IQCK: variants seen among roughly 807,000 people sequenced by gnomAD.
IQCK encodes the protein IQ domain-containing protein K.
Under a neutral mutation model 28.1 loss-of-function variants are expected in IQCK, and 29 were observed. The ratio of observed to expected loss-of-function variants is 1.03; its 90% CI spans 0.77 to 1.41. The LOEUF (loss-of-function observed/expected upper bound fraction) is 1.41, where lower values mean the gene tolerates loss of function less well. IQCK is among the 40% of genes most tolerant of loss of function. IQCK has a pLI of 0.00. For synonymous variants in IQCK, 113 were observed against 115.1 expected, an observed-to-expected ratio of 0.98 and a Z score of 0.12; for missense variants, 359 against 314.7, an observed-to-expected ratio of 1.14 and a Z score of -1.07.
intron 3 of IQCK, chr16:19,734,122 A>G (rs1336385450): frequency 4.0e-6 from 1 of 253,142 alleles, no homozygotes; most frequent in Non-Finnish European, 7.5e-6. Flanking sequence ...TGCCTGTAAT[A>G]TCAGCACTTT....
intron 7 of IQCK, among the ~76,000 whole-genome samples, chr16:19,804,098 C>G (rs1362768207): frequency 1.3e-5 from 2 of 152,128 alleles, no homozygotes; most frequent in Non-Finnish European, 2.9e-5. Flanking sequence ...CGCCTGTAAT[C>G]CCAGCACTTT....
chr16:19,744,566 G>A (rs1410795801), intron 4 of IQCK, among the ~76,000 whole-genome samples: 1 of 152,232 alleles, frequency 6.6e-6, no homozygotes, highest in Non-Finnish European at 1.5e-5. Flanking sequence ...TGATTTCCAT[G>A]AATTATCTCA....
intron 9 of IQCK, among the ~76,000 whole-genome samples, chr16:19,834,777 G>C (rs190447731): frequency 6.6e-6 from 1 of 152,284 alleles, no homozygotes; most frequent in African/African-American, 2.4e-5. Flanking sequence ...AGAAAGGTTT[G>C]GCCACCAGAG....
intron 9 of IQCK, among the ~76,000 whole-genome samples, chr16:19,851,746 G>A (rs564122453): frequency 1.2e-4 from 18 of 152,276 alleles, no homozygotes; most frequent in African/African-American, 3.6e-4. Flanking sequence ...TAGGGGTGCC[G>A]AGGCATCTGT....
exon 10 of IQCK, chr16:19,857,795 A>T (rs1231104990): frequency 1.9e-5 from 3 of 154,772 alleles, no homozygotes; most frequent in Non-Finnish European, 4.2e-5. Context: ...CAACAACCAG[A>T]TCTTCAACTC....
Position 19,764,195 on chromosome 16 carries a change from A to G in IQCK, c.605+83A>G, listed in dbSNP as rs2055194686. On this transcript the variant is annotated intron_variant, in intron 6 of 7. Transcript: ENST00000564186. ...TACTTTTCTTCCATCTAAGAGAACA[A>G]ACTGATGTGATCCATCCAGGACTCT... 16 of 1,141,866 alleles carry G rather than the reference A, an allele frequency of 1.4e-5. No individual in the cohort carries two copies. In the South Asian group the frequency reaches 2.0e-4, roughly 14 times the overall value. The allele number at this position is 1,141,866 out of a possible 1,614,324, so 70.7% of individuals were successfully genotyped here.
intron 7 of IQCK, among the ~76,000 whole-genome samples, chr16:19,792,479 C>T (rs2055627265): frequency 9.0e-6 from 1 of 111,690 alleles, no homozygotes; most frequent in Non-Finnish European, 1.6e-5. Flanking sequence ...AGGAAATTAG[C>T]TAAAAGGAAA....
chr16:19,723,960 CAAA>C (rs573020918), intron 1 of IQCK, among the ~76,000 whole-genome samples: 4 of 104,356 alleles, frequency 3.8e-5, no homozygotes, highest in Admixed American at 1.0e-4. Context: ...ACTCTTGTTT[CAAA>C]AAAAAAAAAA....
intron 1 of IQCK, among the ~76,000 whole-genome samples, chr16:19,726,065 G>A (rs1417404875): frequency 1.3e-5 from 2 of 151,910 alleles, no homozygotes; most frequent in African/African-American, 2.4e-5. Flanking sequence ...ACAGGCGCCC[G>A]CCACCACTCC....
At chr16:19,830,713 C>A (rs1467756281), downstream of IQCK, among the ~76,000 whole-genome samples, 1 of 152,148 alleles carries the variant, frequency 6.6e-6, no homozygotes, top group Non-Finnish European at 1.5e-5. Flanking sequence ...CCTTTGGAAT[C>A]CTAACTACCA....
intron 7 of IQCK, among the ~76,000 whole-genome samples, chr16:19,808,135 C>T (rs751253899): frequency 1.3e-5 from 2 of 152,106 alleles, no homozygotes; most frequent in Non-Finnish European, 2.9e-5. Flanking sequence ...CAGGGCCACC[C>T]GGCAGGCCAA....
At chr16:19,780,161 C>T (rs540412295) in intron 6 of IQCK, among the ~76,000 whole-genome samples, 7 of 152,126 alleles carry the variant, frequency 4.6e-5, no homozygotes, top group South Asian at 2.1e-4. Flanking sequence ...CCTGCCTCAG[C>T]GTCCCAAGTA....
chr16:19,761,437 G>C (rs1438630282), intron 4 of IQCK: 1 of 455,632 alleles, frequency 2.2e-6, no homozygotes, highest in East Asian at 7.0e-5. Context: ...AGCAGGCTAG[G>C]GAGGGTGGAT....
chr16:19,757,624 C>T (rs1481038491), intron 4 of IQCK, among the ~76,000 whole-genome samples: 5 of 152,162 alleles, frequency 3.3e-5, no homozygotes, highest in African/African-American at 4.8e-5. Context: ...GAGTGGAGAT[C>T]GTGCCACTGC....
At position 19,811,985 on chromosome 16, in the gene IQCK, ATTTTTTTTT is replaced by A. The variant is rs11290117; in HGVS notation, c.691-15029_691-15021del. Among the ~76,000 whole-genome samples the A allele has an allele frequency of 2.3e-5, 3 of 131,120 alleles. No homozygotes were observed. In the Admixed American group the frequency reaches 2.3e-4, roughly 10 times the overall value. 86.0% of individuals were successfully genotyped at this position (131,120 alleles called of 152,430 possible). The stretch of plus-strand genomic sequence containing the variant: ...CAGGTAAATTTAGGAAATAGCCTTA[ATTTTTTTTT>A]TTTTTTTTTTTGAGACAGAGTCTCA... On this transcript the variant is annotated intron_variant, in intron 7 of 7. Coordinates refer to ENST00000564186, the Ensembl canonical transcript of IQCK.
chr16:19,817,390 A>G (rs1355511873), intron 7 of IQCK, among the ~76,000 whole-genome samples: 1 of 152,176 alleles, frequency 6.6e-6, no homozygotes, highest in African/African-American at 2.4e-5. Context: ...TGCTTTCCCC[A>G]GGGCTCACAA....
At chr16:19,752,765 T>C (rs544817391) in intron 4 of IQCK, among the ~76,000 whole-genome samples, 7 of 152,252 alleles carry the variant, frequency 4.6e-5, no homozygotes, top group Non-Finnish European at 7.4e-5. Context: ...GGCTTTGCCA[T>C]GTTGGCCAGG....
intron 9 of IQCK, among the ~76,000 whole-genome samples, chr16:19,842,271 C>T (rs2056370567): frequency 6.6e-6 from 1 of 152,116 alleles, no homozygotes; most frequent in African/African-American, 2.4e-5. Flanking sequence ...ACATGCTTTG[C>T]TTATTGTAAG....
chr16:19,762,618 A>G (rs542283368), intron 4 of IQCK, among the ~76,000 whole-genome samples: 7 of 152,308 alleles, frequency 4.6e-5, no homozygotes, highest in South Asian at 2.1e-4. Flanking sequence ...CAAGCAATCA[A>G]TTAACCTCCC....
Sources: gnomAD v4.1 joint callset for allele counts (sites outside exome capture counted in the v4.1 genomes callset) on GRCh38, gnomAD v4.1.1 for gene constraint, MANE v1.5 for transcripts, NCBI Gene and HGNC (gene_info 2026-07-23, HGNC 2026-07-21) for gene names.